The following USF3 variants were observed in gnomAD, a reference collection of about 807,000 sequenced individuals.
USF3 encodes basic helix-loop-helix domain-containing protein USF3.
USF3 carries 29 observed loss-of-function variants against 157.5 expected under a neutral mutation model. The ratio of observed to expected loss-of-function variants is 0.18; its 90% CI spans 0.14 to 0.25. The LOEUF is 0.25. Ranked by LOEUF, USF3 falls within the 10% of genes least tolerant of loss-of-function variation. The pLI is 1.00. For missense variants in USF3, 2,381 were observed against 2,667.6 expected (o/e 0.89, Z 2.37); for synonymous variants, 893 against 941.4 (o/e 0.95, Z 0.94).
intron 1 of USF3, among the ~76,000 whole-genome samples, chr3:113,683,784 C>T (rs893216646): frequency 1.3e-5 from 2 of 152,062 alleles, no homozygotes; most frequent in African/African-American, 4.8e-5. Context: ...TGCTTTTTAA[C>T]CTTCTGATGT....
At chr3:113,678,337 G>C (rs1707330014) in intron 1 of USF3, among the ~76,000 whole-genome samples, 1 of 152,026 alleles carries the variant, frequency 6.6e-6, no homozygotes. Context: ...AACATCTAGA[G>C]TATTTTTTTT....
In USF3 at chr3:113,655,971, C is replaced by G; in HGVS notation, c.5711G>C (p.Gly1904Ala). 6.2e-7 allele frequency: 1 copy of G among 1,614,130 alleles called. No homozygotes were observed. The highest frequency in any genetic ancestry group is 1.1e-5 in the South Asian group (1 of 91,084). The change falls in exon 7 of 7, where the codon GGA becomes GCA. Residue 1904 changes from glycine (G) to alanine (A), a missense_variant. Gly to Ala is a moderately conservative substitution (Grantham distance 60). Coordinates refer to ENST00000316407, the MANE Select transcript of USF3 (RefSeq NM_001009899.4). ...NIPFSSSSSS[G>A]DIQGRNTSPN... is the part of the protein sequence containing the mutation. ...GCTTGTGTTTCGACCTTGAATATCT[C>G]CTGAGGAAGAGGAACTTGAAAAAGG...
At chr3:113,688,226 C>G (rs1397855511) in intron 1 of USF3, among the ~76,000 whole-genome samples, 1 of 152,078 alleles carries the variant, frequency 6.6e-6, no homozygotes, top group Non-Finnish European at 1.5e-5. Flanking sequence ...TAAAGTGATT[C>G]TCTTACCTCA....
rs1016310128 is a variant in USF3, at chr3:113,674,762, T to G, written c.47+70A>C. 6 of 1,251,258 alleles carry G rather than the reference T, an allele frequency of 4.8e-6. No individual in the cohort carries two copies. In the African/African-American group the frequency reaches 8.9e-5, roughly 18 times the overall value. 77.5% of individuals were successfully genotyped at this position (1,251,258 alleles called of 1,614,324 possible). A position where few individuals can be genotyped will look rare whatever the true frequency, so the allele number is the denominator to read the frequency against. On this transcript the variant is annotated intron_variant, in intron 3 of 6. Transcript: ENST00000316407. ...AAAAGTTCTCTAAGGACTACCTATG[T>G]AGCAAAATAGGAACTAATTCTGCTT...
At chr3:113,664,439 G>A (rs751364289) in intron 5 of USF3, 30 bp from the exon 6 acceptor site, 2 of 1,280,596 alleles carry the variant, frequency 1.6e-6, no homozygotes, top group East Asian at 2.3e-5. Flanking sequence ...AAGTTTACAA[G>A]TTTCACTGAA....
chr3:113,658,694 T>C lies in USF3; in HGVS notation c.2988A>G (p.Thr996=). The C allele has an allele frequency of 6.2e-7, 1 of 1,614,044 alleles. No individual in the cohort carries two copies. The highest frequency in any genetic ancestry group is 1.3e-5 in the African/African-American group (1 of 75,040). ...EQDSSDTMQT[T]GLLKGQGLTT... ...TTAAACCTTGCCCCTTTAAGAGACC[T>C]GTGGTTTGCATTGTATCTGATGAAT... The change falls in exon 7 of 7, where the codon ACA becomes ACG. Residue 996 remains threonine, a synonymous_variant. Coordinates refer to ENST00000316407, the MANE Select transcript of USF3 (RefSeq NM_001009899.4).
rs1271066583 is a variant in USF3, at chr3:113,661,286, T to G, written c.396A>C (p.Ser132=). 4 of 1,614,176 alleles carry G rather than the reference T, an allele frequency of 2.5e-6. No individual in the cohort carries two copies. The highest frequency in any genetic ancestry group is 3.4e-6 in the Non-Finnish European group (4 of 1,179,986). ...CACTAGGAATAACAACAGAGACCTT[T>G]GAGTTTTTAAGATTTCCTTTCCAGT... is the stretch of plus-strand genomic sequence containing the variant. ...TIHWKGNLKN[S]KVSVVIPSDQ... is the part of the protein sequence containing the mutation. Residue 132 remains serine (S), a synonymous_variant, in exon 7 of 7, where the codon TCA becomes TCC. Transcript: ENST00000316407.
chr3:113,673,420 GA>G, intron 3 of USF3, 44 bp from the exon 4 acceptor site: 1 of 1,227,232 alleles, frequency 8.1e-7, no homozygotes, highest in Non-Finnish European at 1.2e-6. Context: ...AAAATAATGG[GA>G]AAGTATTTTT....
At position 113,652,110 on chromosome 3, in the gene USF3, T is replaced by TGA. The variant is rs1560168176; in HGVS notation, c.*2833_*2834insTC. The TGA allele has an allele frequency of 1.3e-5, 1 of 75,650 alleles. No individual in the cohort carries two copies. The highest frequency in any genetic ancestry group is 1.1e-4 in the Admixed American group (1 of 8,938). The allele number at this position is 75,650 out of a possible 1,614,324, so 4.7% of individuals were successfully genotyped here. A position where few individuals can be genotyped will look rare whatever the true frequency, so the allele number is the denominator to read the frequency against. The stretch of plus-strand genomic sequence containing the variant: ...GAGAGAGAGAGAGAGAGAGAGAGAG[T>TGA]GTGTGTGTGTGTGTGTGTGTGTGTG... On this transcript the variant is annotated 3_prime_UTR_variant, in exon 7 of 7. Transcript: ENST00000316407.
rs771933399 is a variant in USF3, at chr3:113,658,045, G to T, written c.3637C>A (p.Pro1213Thr). The change falls in exon 7 of 7, where the codon CCA (proline) becomes ACA (threonine). Residue 1213 changes from proline to threonine, a missense_variant. By Grantham distance (38) the Pro-to-Thr change is conservative. Transcript: ENST00000316407. Reference protein sequence around the residue: ...EATMERPLEKPSCSLGIKTSN... With the variant: ...EATMERPLEKTSCSLGIKTSN... The stretch of plus-strand genomic sequence containing the variant: ...GTTTTAATTCCTAGAGAACAACTTG[G>T]TTTCTCAAGGGGCCTCTCCATAGTT... 1.1e-5 allele frequency: 17 copies of T among 1,614,030 alleles called. No individual in the cohort carries two copies. Among genetic ancestry groups the T allele is most frequent in the Non-Finnish European group, 1.2e-5 (14 of 1,180,034 alleles).
Position 113,659,078 on chromosome 3 carries a change from A to T in USF3, c.2604T>A (p.Gly868=). The T allele has an allele frequency of 6.2e-7, 1 of 1,614,144 alleles. No homozygotes were observed. Among genetic ancestry groups the T allele is most frequent in the Non-Finnish European group, 8.5e-7 (1 of 1,180,018 alleles). The change falls in exon 7 of 7, where the codon GGT becomes GGA. Residue 868 remains glycine (G), a synonymous_variant. Transcript: ENST00000316407. ...SVSVSASHSL[G]VLSSESLIPE... ...GTATTAATGATTCAGAGCTTAGAAC[A>T]CCCAAAGAATGTGAAGCAGAAACAC... is the stretch of plus-strand genomic sequence containing the variant.
At chr3:113,675,962 C>T (rs1194999499) in intron 2 of USF3, among the ~76,000 whole-genome samples, 3 of 152,190 alleles carry the variant, frequency 2.0e-5, no homozygotes, top group Non-Finnish European at 2.9e-5. Context: ...CACCTTTGCT[C>T]TAGTCTTCAA....
In USF3 at chr3:113,648,392, T is replaced by C. The variant is rs1469784886; in HGVS notation, c.*6552A>G. The C allele has an allele frequency of 6.6e-6, 1 of 152,644 alleles. No individual in the cohort carries two copies. The highest frequency in any genetic ancestry group is 1.5e-5 in the Non-Finnish European group (1 of 68,024). The allele number at this position is 152,644 out of a possible 1,614,324, so 9.5% of individuals were successfully genotyped here. A position where few individuals can be genotyped will look rare whatever the true frequency, so the allele number is the denominator to read the frequency against. Reference sequence around the variant, plus strand: ...TGATCAGGGAAGACAGAATTTACAATGCAAAAATGCAAAGTTTATTTTCTT... The same window carrying C: ...TGATCAGGGAAGACAGAATTTACAACGCAAAAATGCAAAGTTTATTTTCTT... On this transcript the variant is annotated 3_prime_UTR_variant, in exon 7 of 7. Coordinates refer to ENST00000316407, the MANE Select transcript of USF3 (RefSeq NM_001009899.4).
intron 6 of USF3, 64 bp from the exon 7 acceptor site, chr3:113,661,489 A>G: frequency 1.1e-6 from 1 of 921,896 alleles, no homozygotes; most frequent in East Asian, 2.6e-5. Flanking sequence ...ATAACTTGAT[A>G]AAGAACTGTA....
intron 1 of USF3, among the ~76,000 whole-genome samples, chr3:113,695,796 G>A (rs1226428584): frequency 6.6e-6 from 1 of 152,220 alleles, no homozygotes; most frequent in Non-Finnish European, 1.5e-5. Flanking sequence ...ATACATGAAA[G>A]TAGATTTCAA....
At chr3:113,674,770 T>C in intron 3 of USF3, 62 bp downstream of exon 3, 2 of 1,356,670 alleles carry the variant, frequency 1.5e-6, no homozygotes, top group Non-Finnish European at 2.1e-6. Flanking sequence ...TGTAGCAAAA[T>C]AGGAACTAAT....
At chr3:113,670,792 G>A (rs923828882) in intron 4 of USF3, among the ~76,000 whole-genome samples, 1 of 152,070 alleles carries the variant, frequency 6.6e-6, no homozygotes, top group Non-Finnish European at 1.5e-5. Flanking sequence ...GGTCCCCCAG[G>A]CTGGAGTGCA....
At chr3:113,672,697 CA>C (rs1207475956) in intron 4 of USF3, among the ~76,000 whole-genome samples, 1 of 152,122 alleles carries the variant, frequency 6.6e-6, no homozygotes, top group Non-Finnish European at 1.5e-5. Flanking sequence ...TTCTGAGAAA[CA>C]GCAATATCCC....
chr3:113,693,101 G>A (rs575768747), intron 1 of USF3, among the ~76,000 whole-genome samples: 3 of 152,256 alleles, frequency 2.0e-5, no homozygotes, highest in South Asian at 2.1e-4. Flanking sequence ...ATCAACTTAC[G>A]TTCAAGATGT....
Sources: gnomAD v4.1 joint callset for allele counts (sites outside exome capture counted in the v4.1 genomes callset) on GRCh38, gnomAD v4.1.1 for gene constraint, MANE v1.5 for transcripts, NCBI Gene and HGNC (gene_info 2026-07-23, HGNC 2026-07-21) for gene names.